The following NUP210 variants were observed in gnomAD, a reference collection of about 807,000 sequenced individuals.
NUP210 encodes the protein nuclear pore membrane glycoprotein 210.
NUP210 carries 151 observed loss-of-function variants against 196.0 expected under a neutral mutation model. That is an observed-to-expected ratio of 0.77 (90% CI 0.67 to 0.88). The LOEUF is 0.88. Ranked by LOEUF, NUP210 falls within the 40% of genes least tolerant of loss-of-function variation. The probability of loss-of-function intolerance (pLI) is 0.00; values close to 1 mark genes in which losing one functional copy is unlikely to be tolerated. For synonymous variants in NUP210, 1,070 were observed against 1,052.7 expected (o/e 1.02, Z -0.32); for missense variants, 2,314 against 2,493.7 (o/e 0.93, Z 1.53).
At position 13,371,946 on chromosome 3, in the gene NUP210, C is replaced by T; in HGVS notation, c.1674G>A (p.Arg558=). Residue 558 remains arginine (R), a synonymous_variant, in exon 13 of 40, where the codon AGG becomes AGA. Coordinates refer to ENST00000254508, the MANE Select transcript of NUP210 (RefSeq NM_024923.4). Reference sequence around the variant, plus strand: ...CCCCGCCGGGCATGAGGCCACTGATCCTCAGGGGCAGCTCCAGGGCCTGGC... The same window carrying T: ...CCCCGCCGGGCATGAGGCCACTGATTCTCAGGGGCAGCTCCAGGGCCTGGC... ...RVGQALELPL[R]ISGLMPGGAS... 1.2e-6 allele frequency: 2 copies of T among 1,605,926 alleles called. No individual in the cohort carries two copies. The highest frequency in any genetic ancestry group is 1.7e-5 in the Admixed American group (1 of 58,882).
intron 1 of NUP210, among the ~76,000 whole-genome samples, chr3:13,405,030 T>C (rs1405308513): frequency 1.3e-5 from 2 of 152,106 alleles, no homozygotes; most frequent in South Asian, 2.1e-4. Context: ...CCAAGGACTG[T>C]TTTTTATTAA....
intron 29 of NUP210, 70 bp downstream of exon 29, chr3:13,332,223 T>G: frequency 7.9e-7 from 1 of 1,267,700 alleles, no homozygotes; most frequent in Non-Finnish European, 1.2e-6. Context: ...CCTGACAGTG[T>G]TGACACATGA....
intron 4 of NUP210, 27 bp downstream of exon 4, chr3:13,391,184 G>A (rs770323710): frequency 2.6e-6 from 4 of 1,551,062 alleles, no homozygotes; most frequent in Non-Finnish European, 3.5e-6. Context: ...CTTCAAAGGG[G>A]CCAGGCCTAG....
In NUP210 at chr3:13,375,532, T is replaced by C; in HGVS notation, c.1403A>G (p.Lys468Arg). 1 of 1,614,168 alleles carries C rather than the reference T, an allele frequency of 6.2e-7. No homozygotes were observed. Reference sequence around the variant, plus strand: ...TATTGTGTACTGATAGGCGCCCGTCTTTGGTTGCCACGGAAATGTCAAGAT... The same window carrying C: ...TATTGTGTACTGATAGGCGCCCGTCCTTGGTTGCCACGGAAATGTCAAGAT... ...PSILTFPWQP[K>R]TGAYQYTIRA... Residue 468 changes from lysine to arginine, a missense_variant, in exon 11 of 40, where the codon AAG becomes AGG. Physicochemically the swap from Lys to Arg is conservative, Grantham distance 26. Coordinates refer to ENST00000254508, the MANE Select transcript of NUP210 (RefSeq NM_024923.4).
chr3:13,411,078 A>C (rs1352614201), intron 1 of NUP210, among the ~76,000 whole-genome samples: 1 of 152,070 alleles, frequency 6.6e-6, no homozygotes, highest in Non-Finnish European at 1.5e-5. Context: ...TAAAAATTTT[A>C]AAAATTAGCT....
intron 1 of NUP210, among the ~76,000 whole-genome samples, chr3:13,409,422 G>A (rs1489926238): frequency 6.6e-6 from 1 of 152,188 alleles, no homozygotes; most frequent in African/African-American, 2.4e-5. Context: ...CACAAGGAGT[G>A]AGCAGTCTAA....
At position 13,377,474 on chromosome 3, in the gene NUP210, G is replaced by C. The variant is rs751539424; in HGVS notation, c.1134C>G (p.Asn378Lys). The C allele has an allele frequency of 4.3e-6, 7 of 1,613,300 alleles. No individual in the cohort carries two copies. The Admixed American group carries it at 5.0e-5, about 12-fold the overall frequency. The change falls in exon 9 of 40, where the codon AAC becomes AAG. Residue 378 changes from asparagine to lysine, a missense_variant. Physicochemically the swap from Asn to Lys is moderately conservative, Grantham distance 94 (BLOSUM62 0). Transcript: ENST00000254508. ...ITIEVFDKFS[N>K]KVYVSDNIRI... ...CACTCACGTCAGATACATAGACCTT[G>C]TTGCTGAACTTGTCAAAAACTTCGA...
chr3:13,352,735 G>A (rs1698022058), intron 18 of NUP210, among the ~76,000 whole-genome samples: 1 of 152,054 alleles, frequency 6.6e-6, no homozygotes, highest in Admixed American at 6.5e-5. Context: ...AGGTGTGCCA[G>A]GCACTCGGGG....
intron 25 of NUP210, among the ~76,000 whole-genome samples, chr3:13,338,242 T>C (rs1303331576): frequency 2.6e-5 from 4 of 152,206 alleles, no homozygotes; most frequent in Non-Finnish European, 5.9e-5. Context: ...TAGGCCTGGC[T>C]GCCCTCAAGC....
rs757378432 is a variant in NUP210 at position 13,377,578 on chromosome 3, G to C, written c.1046-16C>G. 6.2e-7 allele frequency: 1 copy of C among 1,603,552 alleles called. No homozygotes were observed. The highest frequency in any genetic ancestry group is 1.3e-5 in the African/African-American group (1 of 74,618). On this transcript the variant is annotated splice_polypyrimidine_tract_variant and intron_variant, in intron 8 of 39. Transcript: ENST00000254508. ...ACAGTGAACCCTAAAACAGGCAGAG[G>C]GAGCCTGAGCACTCAGGCCTCAGGG...
At chr3:13,360,549 C>T (rs1267201796) in intron 14 of NUP210, 58 bp from the exon 15 acceptor site, 38 of 1,392,972 alleles carry the variant, frequency 2.7e-5, no homozygotes, top group East Asian at 1.5e-4. Context: ...GGGCAGGAGC[C>T]GGGCATCCCA....
At chr3:13,373,684 C>T (rs1253277466) in intron 12 of NUP210, 34 bp downstream of exon 12, 1 of 1,608,346 alleles carries the variant, frequency 6.2e-7, no homozygotes, top group African/African-American at 1.3e-5. Flanking sequence ...ACCATCCGAG[C>T]CTCCCAGGGG....
chr3:13,418,974 G>GAAAAA (rs1700442623), intron 1 of NUP210, among the ~76,000 whole-genome samples: 1 of 104,936 alleles, frequency 9.5e-6, no homozygotes, highest in African/African-American at 3.6e-5. Context: ...AAAAAAAAAA[G>GAAAAA]AAAGAAAGAA....
At position 13,343,286 on chromosome 3, in the gene NUP210, C is replaced by T. The variant is rs113555552; in HGVS notation, c.2853G>A (p.Pro951=). 781 of 1,286,448 alleles carry T rather than the reference C, an allele frequency of 6.1e-4. 3 individuals carry two copies. In the African/African-American group the frequency reaches 0.01, roughly 17 times the overall value. 79.7% of individuals were successfully genotyped at this position (1,286,448 alleles called of 1,614,324 possible). ...CATGGATCATGATGGTGGATGAGCC[C>T]GGGAGCAAAGGGTGCACCTGCAAGG... ...RGVAMVHPLL[P]GSSTIMIHDL... Residue 951 remains proline (P), a synonymous_variant, in exon 21 of 40, where the codon CCG becomes CCA. Transcript: ENST00000254508.
chr3:13,367,273 T>C (rs1000580900), intron 13 of NUP210, among the ~76,000 whole-genome samples: 2 of 150,566 alleles, frequency 1.3e-5, no homozygotes, highest in African/African-American at 4.9e-5. Context: ...CCCGTCTCTA[T>C]TAAAATACAG....
chr3:13,337,984 C>A (rs1025378295), intron 25 of NUP210, 67 bp from the exon 26 acceptor site: 16 of 1,453,744 alleles, frequency 1.1e-5, no homozygotes, highest in African/African-American at 7.0e-5. Flanking sequence ...CAGGAAGGGA[C>A]CCCTCAAGGG....
intron 27 of NUP210, among the ~76,000 whole-genome samples, 154 bp from the exon 28 acceptor site, chr3:13,335,766 G>A (rs1036994600): frequency 7.2e-5 from 11 of 152,234 alleles, no homozygotes; most frequent in African/African-American, 2.7e-4. Context: ...CCTGGGTTGG[G>A]TCTGCTAACC....
At chr3:13,404,727 G>T (rs1699949589) in intron 1 of NUP210, among the ~76,000 whole-genome samples, 1 of 152,196 alleles carries the variant, frequency 6.6e-6, no homozygotes, top group African/African-American at 2.4e-5. Context: ...GCCCCTCACA[G>T]CTTTCCAGGA....
intron 1 of NUP210, among the ~76,000 whole-genome samples, chr3:13,407,734 C>A (rs1475538392): frequency 2.0e-5 from 3 of 152,136 alleles, no homozygotes; most frequent in Admixed American, 6.6e-5. Flanking sequence ...CACCCATGCC[C>A]CTCCTATCAG....
Sources: gnomAD v4.1 joint callset for allele counts (sites outside exome capture counted in the v4.1 genomes callset) on GRCh38, gnomAD v4.1.1 for gene constraint, MANE v1.5 for transcripts, NCBI Gene and HGNC (gene_info 2026-07-23, HGNC 2026-07-21) for gene names.